Variants in NKX2-2 observed in about 807,000 individuals in gnomAD.
NKX2-2 encodes the protein NK2 homeobox 2.
Under a neutral mutation model 24.6 loss-of-function variants are expected in NKX2-2, and 8 were observed. The observed-to-expected ratio is 0.32, with a 90% confidence interval of 0.19 to 0.59. NKX2-2 has a LOEUF of 0.59. NKX2-2 is among the 20% of genes least tolerant of loss of function. The pLI is 0.86. For missense variants in NKX2-2, 381 were observed against 373.9 expected (o/e 1.02, Z -0.16); for synonymous variants, 217 against 173.3 (o/e 1.25, Z -1.98).
rs971102608 is a variant in NKX2-2, at chr20:21,512,580, T to G, written c.260-95A>C. 9.3e-6 allele frequency: 9 copies of G among 968,538 alleles called. No homozygotes were observed. In the South Asian group the frequency reaches 1.5e-4, roughly 16 times the overall value. The allele number at this position is 968,538 out of a possible 1,614,324, so 60.0% of individuals were successfully genotyped here. A position where few individuals can be genotyped will look rare whatever the true frequency, so the allele number is the denominator to read the frequency against. ...GCACCCTGGATCCTCCGTGCGACCCTGGACCTCCGCGCCTGGCAGCCCAGC... is the reference window on the plus strand; with the variant it reads ...GCACCCTGGATCCTCCGTGCGACCCGGGACCTCCGCGCCTGGCAGCCCAGC... On this transcript the variant is annotated intron_variant, in intron 1 of 1. Transcript: ENST00000377142.
chr20:21,518,596 C>G (rs1349704349), upstream of NKX2-2, among the ~76,000 whole-genome samples: 1 of 152,232 alleles, frequency 6.6e-6, no homozygotes, highest in African/African-American at 2.4e-5. Flanking sequence ...AAGTGGCCCT[C>G]TAAGTCGGCT....
rs1980507751 is a variant in NKX2-2, at chr20:21,513,298, A to AG, written c.259+112dup. ...AAAAATCTTTCTACGGATCCGAGTG[A>AG]GGGGGTCCGGGCTTACATGGCCCCT... On this transcript the variant is annotated intron_variant, in intron 1 of 1. Transcript: ENST00000377142. This position sits in a 1 kb window ranked among gnomAD's most constrained non-coding sequence, Gnocchi z 4.6. The AG allele has an allele frequency of 8.6e-7, 1 of 1,157,368 alleles. No homozygotes were observed. The highest frequency in any genetic ancestry group is 1.9e-5 in the South Asian group (1 of 53,800). 71.7% of individuals were successfully genotyped at this position (1,157,368 alleles called of 1,614,324 possible).
upstream of NKX2-2, among the ~76,000 whole-genome samples, chr20:21,516,263 C>A (rs1980634807): frequency 6.6e-6 from 1 of 152,152 alleles, no homozygotes. Flanking sequence ...CATGTCGACG[C>A]TCCCCGATTC....
At chr20:21,522,223 C>G in the NKX2-2 span, among the ~76,000 whole-genome samples, 1 of 152,242 alleles carries the variant, frequency 6.6e-6, no homozygotes, top group African/African-American at 2.4e-5. Flanking sequence ...CTGCTGCGTC[C>G]GGACTACGCG....
At chr20:21,514,513 G>A (rs1355861691), upstream of NKX2-2, among the ~76,000 whole-genome samples, 1 of 152,026 alleles carries the variant, frequency 6.6e-6, no homozygotes, top group African/African-American at 2.4e-5. Context: ...GTGGGGGTGG[G>A]GAGGAGGAGG....
At chr20:21,512,577 C>T (rs1980481090) in intron 1 of NKX2-2, 92 bp from the exon 2 acceptor site, 2 of 986,060 alleles carry the variant, frequency 2.0e-6, no homozygotes, top group Non-Finnish European at 1.5e-6. Context: ...CTCCGTGCGA[C>T]CCTGGACCTC....
chr20:21,511,757 G>T lies in NKX2-2; in HGVS notation c.*166C>A, dbSNP rs1463534424. On this transcript the variant is annotated 3_prime_UTR_variant, in exon 2 of 2. Transcript: ENST00000377142. ...GTGGAATCTGCCACTCCAAGGAGAC[G>T]CAGGCAACCTCCCGGCGCCTCCCTA... 1.9e-6 allele frequency: 1 copy of T among 521,410 alleles called. No homozygotes were observed. Among genetic ancestry groups the T allele is most frequent in the Non-Finnish European group, 3.2e-6 (1 of 308,906 alleles). 32.3% of individuals were successfully genotyped at this position (521,410 alleles called of 1,614,324 possible).
upstream of NKX2-2, among the ~76,000 whole-genome samples, chr20:21,517,631 G>T (rs1980673487): frequency 6.6e-6 from 1 of 152,204 alleles, no homozygotes; most frequent in Admixed American, 6.5e-5. Flanking sequence ...GCCTGCGCAG[G>T]CCCAGCTGGC....
Position 21,513,288 on chromosome 20 carries a change from G to T in NKX2-2, c.259+123C>A. 9.5e-7 allele frequency: 1 copy of T among 1,048,832 alleles called. No individual in the cohort carries two copies. Among genetic ancestry groups the T allele is most frequent in the Non-Finnish European group, 1.3e-6 (1 of 752,080 alleles). 65.0% of individuals were successfully genotyped at this position (1,048,832 alleles called of 1,614,324 possible). The stretch of plus-strand genomic sequence containing the variant: ...TACAGGTGTTAAAAATCTTTCTACG[G>T]ATCCGAGTGAGGGGGTCCGGGCTTA... On this transcript the variant is annotated intron_variant, in intron 1 of 1. Transcript: ENST00000377142. This position sits in a 1 kb window ranked among gnomAD's most constrained non-coding sequence, Gnocchi z 4.6.
upstream of NKX2-2, among the ~76,000 whole-genome samples, chr20:21,514,757 G>A (rs1980575762): frequency 6.6e-6 from 1 of 152,228 alleles, no homozygotes; most frequent in Non-Finnish European, 1.5e-5. Flanking sequence ...ACTTCTGTAA[G>A]CCTCCTAGGT....
At chr20:21,521,847 C>T in the NKX2-2 span, among the ~76,000 whole-genome samples, 2 of 152,320 alleles carry the variant, frequency 1.3e-5, no homozygotes, top group South Asian at 2.1e-4. Flanking sequence ...ACAGCCCCGC[C>T]GCATTTCAAG....
At chr20:21,519,899 T>G in the NKX2-2 span, among the ~76,000 whole-genome samples, 6 of 152,178 alleles carry the variant, frequency 3.9e-5, no homozygotes, top group Admixed American at 2.0e-4. Context: ...CCGGCAGATC[T>G]CTGGCAGGAG....
At position 21,513,359 on chromosome 20, in the gene NKX2-2, G is replaced by C; in HGVS notation, c.259+52C>G. ...CTCCCAGCGTCCAACCCGGGCTGCGGCTGCAGGAATGGAGGGGACCACGGC... is the reference window on the plus strand; with the variant it reads ...CTCCCAGCGTCCAACCCGGGCTGCGCCTGCAGGAATGGAGGGGACCACGGC... On this transcript the variant is annotated intron_variant, in intron 1 of 1. Coordinates refer to ENST00000377142, the MANE Select transcript of NKX2-2 (RefSeq NM_002509.4). This position sits in a 1 kb window ranked among gnomAD's most constrained non-coding sequence, Gnocchi z 4.6. 1 of 1,479,392 alleles carries C rather than the reference G, an allele frequency of 6.8e-7. No homozygotes were observed. The highest frequency in any genetic ancestry group is 9.0e-7 in the Non-Finnish European group (1 of 1,114,146). 91.6% of individuals were successfully genotyped at this position (1,479,392 alleles called of 1,614,324 possible).
chr20:21,516,813 C>T (rs558571871), upstream of NKX2-2, among the ~76,000 whole-genome samples: 7 of 152,244 alleles, frequency 4.6e-5, no homozygotes, highest in Admixed American at 4.6e-4. Context: ...ATCCCCAGAG[C>T]CCTCTTAGGT....
rs755847492 is a variant in NKX2-2, at chr20:21,513,642, AC to A, written c.27del (p.Ser11ArgfsTer6). On this transcript the variant is annotated frameshift_variant, in exon 1 of 2. Transcript: ENST00000377142. LOFTEE classifies it high-confidence loss of function. This position sits in a 1 kb window ranked among gnomAD's most constrained non-coding sequence, Gnocchi z 4.6. MSLTNTKT[G>X]FSVKDILDLP... ...AGGTCTAAGATGTCCTTGACCGAAA[AC>A]CCCGTCTTTGTGTTGGTCAGCGACA... 6.3e-7 allele frequency: 1 copy of A among 1,590,182 alleles called. No homozygotes were observed. Among genetic ancestry groups the A allele is most frequent in the Non-Finnish European group, 8.5e-7 (1 of 1,170,960 alleles).
Position 21,511,894 on chromosome 20 carries a change from T to C in NKX2-2, c.*29A>G. 1 of 1,545,056 alleles carries C rather than the reference T, an allele frequency of 6.5e-7. No homozygotes were observed. On this transcript the variant is annotated 3_prime_UTR_variant, in exon 2 of 2. Transcript: ENST00000377142. Reference sequence around the variant, plus strand: ...CCGCCGCCGGGGTGGGGCCTGGGCCTGGGGCCGCGAGTCTCGTTGGGGCGG... The same window carrying C: ...CCGCCGCCGGGGTGGGGCCTGGGCCCGGGGCCGCGAGTCTCGTTGGGGCGG...
upstream of NKX2-2, among the ~76,000 whole-genome samples, chr20:21,517,661 C>T (rs1568639626): frequency 6.6e-6 from 1 of 152,206 alleles, no homozygotes; most frequent in Non-Finnish European, 1.5e-5. Flanking sequence ...AAGTCCGGTG[C>T]CCAGAGCACA....
At chr20:21,518,131 C>T (rs371792080), upstream of NKX2-2, among the ~76,000 whole-genome samples, 12 of 152,206 alleles carry the variant, frequency 7.9e-5, no homozygotes, top group East Asian at 1.2e-3. Flanking sequence ...ATGCCTCGTT[C>T]TGCTGCATGC....
At chr20:21,515,004 C>A (rs897992119), upstream of NKX2-2, among the ~76,000 whole-genome samples, 1 of 150,674 alleles carries the variant, frequency 6.6e-6, no homozygotes, top group Non-Finnish European at 1.5e-5. Context: ...CACCTCTCTG[C>A]GGCCAAGGAG....
Sources: gnomAD v4.1 joint callset for allele counts (sites outside exome capture counted in the v4.1 genomes callset) on GRCh38, gnomAD v4.1.1 for gene constraint, Gnocchi (gnomAD v3.1) non-coding constraint, MANE v1.5 for transcripts, NCBI Gene and HGNC (gene_info 2026-07-23, HGNC 2026-07-21) for gene names.